Variants in PRIM2 observed in about 807,000 individuals in gnomAD.
PRIM2 encodes DNA primase large subunit.
In PRIM2, 39 loss-of-function variants were observed where a neutral mutation model predicts 67.3. The observed-to-expected ratio is 0.58, with a 90% CI of 0.45 to 0.76. The LOEUF (loss-of-function observed/expected upper bound fraction) is 0.76, where lower values mean the gene tolerates loss of function less well. Ranked by LOEUF, PRIM2 falls within the 30% of genes least tolerant of loss-of-function variation. The pLI is 0.00. For synonymous variants in PRIM2, 143 were observed against 198.7 expected (o/e 0.72, Z 2.36); for missense variants, 398 against 598.7 (o/e 0.66, Z 3.50).
the PRIM2 span, among the ~76,000 whole-genome samples, chr6:57,273,533 T>C: frequency 6.6e-6 from 1 of 152,224 alleles, no homozygotes; most frequent in South Asian, 2.1e-4. Context: ...TTCGTATAAT[T>C]TTTTTTCAAA....
At chr6:57,428,254 T>G (rs1376352679) in intron 7 of PRIM2, among the ~76,000 whole-genome samples, 1 of 152,210 alleles carries the variant, frequency 6.6e-6, no homozygotes, top group Non-Finnish European at 1.5e-5. Flanking sequence ...GAGGCAACTC[T>G]GCAGTAAATT....
chr6:57,269,682 GT>G, the PRIM2 span, among the ~76,000 whole-genome samples: 1 of 152,080 alleles, frequency 6.6e-6, no homozygotes, highest in Non-Finnish European at 1.5e-5. Context: ...TGCTTTTGGT[GT>G]TTTAGACATG....
At chr6:57,368,814 C>T (rs73751306) in intron 5 of PRIM2, among the ~76,000 whole-genome samples, 1 of 152,114 alleles carries the variant, frequency 6.6e-6, no homozygotes, top group East Asian at 1.9e-4. Flanking sequence ...GCATTGGTAA[C>T]GACCCCCAAA....
intron 13 of PRIM2, among the ~76,000 whole-genome samples, chr6:57,634,215 C>T (rs1192951431): frequency 1.3e-5 from 2 of 152,152 alleles, no homozygotes; most frequent in East Asian, 3.9e-4. Flanking sequence ...TGGCATTTTC[C>T]TGTTTATCTT....
chr6:57,324,093 A>T, intron 3 of PRIM2, 108 bp from the exon 4 acceptor site: 2 of 633,840 alleles, frequency 3.2e-6, no homozygotes, highest in Admixed American at 5.0e-5. Context: ...CTAAAAAAAG[A>T]AATGTTTTTG....
At chr6:57,225,167 C>CT in the PRIM2 span, among the ~76,000 whole-genome samples, 1 of 152,162 alleles carries the variant, frequency 6.6e-6, no homozygotes, top group African/African-American at 2.4e-5. Flanking sequence ...GGCCTAACTG[C>CT]TTTTTGGGGT....
chr6:57,619,816 G>C (rs1776820025), intron 12 of PRIM2, among the ~76,000 whole-genome samples: 1 of 152,184 alleles, frequency 6.6e-6, no homozygotes, highest in Non-Finnish European at 1.5e-5. Context: ...TGAGGAAGAA[G>C]ACAATTCTAA....
chr6:57,272,125 C>T, the PRIM2 span, among the ~76,000 whole-genome samples: 5 of 152,254 alleles, frequency 3.3e-5, no homozygotes, highest in African/African-American at 1.2e-4. Flanking sequence ...GTGGAGAGTT[C>T]TGTAGATGTC....
intron 5 of PRIM2, among the ~76,000 whole-genome samples, chr6:57,334,293 A>C (rs1768150328): frequency 6.6e-6 from 1 of 152,078 alleles, no homozygotes; most frequent in African/African-American, 2.4e-5. Flanking sequence ...ATTGCATTTA[A>C]AAAAATCCAT....
At chr6:57,335,558 AC>A (rs1374560033) in intron 5 of PRIM2, among the ~76,000 whole-genome samples, 1 of 152,034 alleles carries the variant, frequency 6.6e-6, no homozygotes, top group Non-Finnish European at 1.5e-5. Context: ...CTGACCCCTG[AC>A]CCCCGAGCAG....
At chr6:57,615,285 G>A (rs1776735073) in intron 12 of PRIM2, among the ~76,000 whole-genome samples, 1 of 151,988 alleles carries the variant, frequency 6.6e-6, no homozygotes, top group Admixed American at 6.6e-5. Flanking sequence ...CAGGCGTCGA[G>A]GCATGCACCT....
chr6:57,311,479 G>A (rs1266791632), upstream of PRIM2, among the ~76,000 whole-genome samples: 5 of 151,574 alleles, frequency 3.3e-5, no homozygotes, highest in African/African-American at 9.7e-5. Flanking sequence ...CTGGGCGGCC[G>A]GGCAGAGGCG....
the PRIM2 span, among the ~76,000 whole-genome samples, chr6:57,289,119 T>C: frequency 3.3e-5 from 5 of 152,166 alleles, no homozygotes; most frequent in African/African-American, 1.2e-4. Context: ...AATGACTTGA[T>C]GGAGCTGAAA....
intron 10 of PRIM2, among the ~76,000 whole-genome samples, chr6:57,579,778 A>G (rs1776047049): frequency 6.6e-6 from 1 of 152,200 alleles, no homozygotes; most frequent in East Asian, 1.9e-4. Flanking sequence ...ACACAGAAAG[A>G]CTGAAAATAA....
Position 57,331,417 on chromosome 6 carries a change from G to A in PRIM2, c.459+5372G>A, listed in dbSNP as rs572043804. 4.1e-4 allele frequency among the ~76,000 whole-genome samples: 63 copies of A among 152,168 alleles called. No homozygotes were observed. In the Middle Eastern group the frequency reaches 0.014, roughly 33 times the overall value. Reference sequence around the variant, plus strand: ...CTGGTTTTGGTATTAGGATCATATTGGCCTCATAGAATGAGTTGGGAAATG... The same window carrying A: ...CTGGTTTTGGTATTAGGATCATATTAGCCTCATAGAATGAGTTGGGAAATG... On this transcript the variant is annotated intron_variant, in intron 5 of 13. Coordinates refer to ENST00000615550, the MANE Select transcript of PRIM2 (RefSeq NM_000947.5).
intron 5 of PRIM2, among the ~76,000 whole-genome samples, chr6:57,336,973 T>A (rs934746583): frequency 3.9e-5 from 6 of 152,088 alleles, no homozygotes; most frequent in African/African-American, 1.4e-4. Context: ...CCATCTCACG[T>A]GCAGAGACAC....
chr6:57,577,427 A>ATTT lies in PRIM2; in HGVS notation c.1021-23648_1021-23646dup, dbSNP rs1161633688. 9.3e-4 allele frequency among the ~76,000 whole-genome samples: 113 copies of ATTT among 121,666 alleles called. 2 individuals carry two copies. The East Asian group carries it at 0.01, about 11-fold the overall frequency. 79.8% of individuals were successfully genotyped at this position (121,666 alleles called of 152,430 possible). Reference sequence around the variant, plus strand: ...TACTTTTCCATTGCCTGGTATATAAATTTTTTTTTTTTTTTTTTTTGAGAC... The same window carrying ATTT: ...TACTTTTCCATTGCCTGGTATATAAATTTTTTTTTTTTTTTTTTTTTTTGAGAC... On this transcript the variant is annotated intron_variant, in intron 10 of 13. Coordinates refer to ENST00000615550, the MANE Select transcript of PRIM2 (RefSeq NM_000947.5).
At chr6:57,285,384 G>A in the PRIM2 span, among the ~76,000 whole-genome samples, 2 of 152,146 alleles carry the variant, frequency 1.3e-5, no homozygotes, top group Admixed American at 6.5e-5. Flanking sequence ...TAAAATACTG[G>A]CAAACCAAAC....
chr6:57,587,387 G>C (rs1332240830), intron 10 of PRIM2, among the ~76,000 whole-genome samples: 4 of 152,092 alleles, frequency 2.6e-5, no homozygotes, highest in South Asian at 4.1e-4. Context: ...GAACACAGCC[G>C]AGAGCGGTGG....
Sources: allele counts gnomAD v4.1 joint callset (sites outside exome capture counted in the v4.1 genomes callset), GRCh38; gene constraint gnomAD v4.1.1; transcripts MANE v1.5; gene names NCBI Gene and HGNC (gene_info 2026-07-23, HGNC 2026-07-21).